Variants in XYLT1 observed in about 807,000 individuals in gnomAD.
XYLT1 encodes xylosyltransferase 1.
A neutral mutation model predicts 91.3 loss-of-function variants in XYLT1; 36 were observed. The ratio of observed to expected loss-of-function variants is 0.39; its 90% CI spans 0.30 to 0.52. The LOEUF (loss-of-function observed/expected upper bound fraction) is 0.52, where lower values mean the gene tolerates loss of function less well. Ranked by LOEUF, XYLT1 falls within the 20% of genes least tolerant of loss-of-function variation. The pLI is 0.68. For synonymous variants in XYLT1, 588 were observed against 532.0 expected (o/e 1.11, Z -1.45); for missense variants, 1,242 against 1,284.5 (o/e 0.97, Z 0.51).
chr16:17,426,809 CAT>C (rs2036324560), intron 1 of XYLT1, among the ~76,000 whole-genome samples: 1 of 152,102 alleles, frequency 6.6e-6, no homozygotes, highest in African/African-American at 2.4e-5. Flanking sequence ...ACAGACCTCT[CAT>C]ATGACTAAGG....
At chr16:17,427,173 C>T (rs2036329356) in intron 1 of XYLT1, among the ~76,000 whole-genome samples, 1 of 152,228 alleles carries the variant, frequency 6.6e-6, no homozygotes, top group Non-Finnish European at 1.5e-5. Flanking sequence ...GTGGTGAAAT[C>T]GTGTCCACGG....
intron 1 of XYLT1, among the ~76,000 whole-genome samples, chr16:17,434,338 G>T (rs1270563337): frequency 6.6e-6 from 1 of 152,118 alleles, no homozygotes; most frequent in African/African-American, 2.4e-5. Context: ...TTCCTTCCAG[G>T]AACCACCTCG....
At chr16:17,384,107 A>G (rs1430252903) in intron 1 of XYLT1, among the ~76,000 whole-genome samples, 1 of 151,930 alleles carries the variant, frequency 6.6e-6, no homozygotes, top group East Asian at 2.0e-4. Context: ...TGAGGATAAC[A>G]TTAGGATCGG....
At chr16:17,272,840 C>T (rs916056648) in intron 2 of XYLT1, among the ~76,000 whole-genome samples, 2 of 152,224 alleles carry the variant, frequency 1.3e-5, no homozygotes, top group African/African-American at 4.8e-5. Context: ...ACCTCCTGAG[C>T]TTTGCCTCGG....
intron 3 of XYLT1, among the ~76,000 whole-genome samples, chr16:17,255,509 T>C (rs1418030078): frequency 6.6e-6 from 1 of 152,164 alleles, no homozygotes; most frequent in Non-Finnish European, 1.5e-5. Flanking sequence ...GTTCATGGAA[T>C]GGCATTCAAC....
At chr16:17,359,869 G>T (rs542475861) in intron 1 of XYLT1, among the ~76,000 whole-genome samples, 15 of 152,164 alleles carry the variant, frequency 9.9e-5, no homozygotes, top group Middle Eastern at 3.2e-3. Flanking sequence ...TGTATCACTC[G>T]CATGCAGAAA....
intron 5 of XYLT1, among the ~76,000 whole-genome samples, chr16:17,196,538 C>T (rs879261058): frequency 2.0e-5 from 3 of 152,124 alleles, no homozygotes; most frequent in Non-Finnish European, 2.9e-5. Context: ...GTGACATCCA[C>T]GTGGGAGTTC....
intron 6 of XYLT1, among the ~76,000 whole-genome samples, chr16:17,153,287 C>T (rs78608127): frequency 6.6e-6 from 1 of 152,176 alleles, no homozygotes; most frequent in African/African-American, 2.4e-5. Flanking sequence ...ACGTAACTTA[C>T]CCAAGGTCAC....
In XYLT1 at chr16:17,222,952, C is replaced by G. The variant is rs578090692; in HGVS notation, c.914-22298G>C. On this transcript the variant is annotated intron_variant, in intron 3 of 11. Coordinates refer to ENST00000261381, the MANE Select transcript of XYLT1 (RefSeq NM_022166.4). ...GGAAAGAGGAATCAAGAACACCAAG[C>G]GGGGGCTGGGACTAGGCGCTGATGA... Among the ~76,000 whole-genome samples, 3 of 150,982 alleles carry G rather than the reference C, an allele frequency of 2.0e-5. No homozygotes were observed. The South Asian group carries it at 6.3e-4, about 32-fold the overall frequency.
chr16:17,338,050 G>C (rs562984448), intron 2 of XYLT1: 2 of 390,112 alleles, frequency 5.1e-6, no homozygotes, highest in Non-Finnish European at 1.0e-5. Flanking sequence ...TTATAGGCGT[G>C]AGCCACCGCA....
intron 9 of XYLT1, among the ~76,000 whole-genome samples, chr16:17,128,390 T>C (rs1272057830): frequency 6.7e-6 from 1 of 149,180 alleles, no homozygotes; most frequent in African/African-American, 2.5e-5. Flanking sequence ...CTCGGTGTGT[T>C]TCATCATAGT....
Position 17,198,050 on chromosome 16 carries a change from A to ATGAG in XYLT1, c.1289+158_1289+161dup, listed in dbSNP as rs2032464953. 32 of 726,542 alleles carry ATGAG rather than the reference A, an allele frequency of 4.4e-5. No individual in the cohort carries two copies. The East Asian group carries it at 8.3e-4, about 19-fold the overall frequency. 45.0% of individuals were successfully genotyped at this position (726,542 alleles called of 1,614,324 possible). A position where few individuals can be genotyped will look rare whatever the true frequency, so the allele number is the denominator to read the frequency against. On this transcript the variant is annotated intron_variant, in intron 5 of 11. Transcript: ENST00000261381. ...CTCTATCTGTTGAATGCATGAATGA[A>ATGAG]TGAGTGAATGAATCAATGATTCTCA...
intron 3 of XYLT1, among the ~76,000 whole-genome samples, chr16:17,218,144 G>A (rs2032895529): frequency 6.6e-6 from 1 of 151,942 alleles, no homozygotes; most frequent in Non-Finnish European, 1.5e-5. Context: ...TGTAGTTTCA[G>A]CTACTCGGGA....
Position 17,444,537 on chromosome 16 carries a change from G to C in XYLT1, c.363+25897C>G, listed in dbSNP as rs143029012. 6.9e-4 allele frequency among the ~76,000 whole-genome samples: 103 copies of C among 148,454 alleles called. 1 individual carries two copies. The East Asian group carries it at 0.014, about 21-fold the overall frequency. ...CTTTTTTTTTTTTTTAATAGAGACAGAGTCTCACTATGTTGCCCAGGCTGG... is the reference window on the plus strand; with the variant it reads ...CTTTTTTTTTTTTTTAATAGAGACACAGTCTCACTATGTTGCCCAGGCTGG... On this transcript the variant is annotated intron_variant, in intron 1 of 11. Transcript: ENST00000261381.
intron 1 of XYLT1, among the ~76,000 whole-genome samples, chr16:17,382,781 C>T (rs2035697766): frequency 6.6e-6 from 1 of 151,882 alleles, no homozygotes; most frequent in South Asian, 2.1e-4. Flanking sequence ...CATACTGGCA[C>T]TCACTATCCC....
At chr16:17,136,728 A>G (rs142367864) in intron 8 of XYLT1, among the ~76,000 whole-genome samples, 1 of 152,282 alleles carries the variant, frequency 6.6e-6, no homozygotes, top group East Asian at 1.9e-4. Flanking sequence ...TCTTCGCGCA[A>G]GAACTCTGAG....
chr16:17,200,258 C>T (rs2032513402), intron 4 of XYLT1, among the ~76,000 whole-genome samples: 1 of 151,784 alleles, frequency 6.6e-6, no homozygotes, highest in African/African-American at 2.4e-5. Context: ...CAGCATTTAT[C>T]ATTTATGGAC....
At chr16:17,382,071 C>T (rs1273446210) in intron 1 of XYLT1, among the ~76,000 whole-genome samples, 2 of 151,870 alleles carry the variant, frequency 1.3e-5, no homozygotes, top group Non-Finnish European at 2.9e-5. Flanking sequence ...ACCCACTGTG[C>T]CGTGCCCCCT....
At chr16:17,127,239 G>A (rs1210800503) in intron 10 of XYLT1, among the ~76,000 whole-genome samples, 1 of 152,142 alleles carries the variant, frequency 6.6e-6, no homozygotes, top group Non-Finnish European at 1.5e-5. Flanking sequence ...AAAAACTGTG[G>A]AGACAAAACC....
Sources: allele counts gnomAD v4.1 joint callset (sites outside exome capture counted in the v4.1 genomes callset), GRCh38; gene constraint gnomAD v4.1.1; transcripts MANE v1.5; gene names NCBI Gene and HGNC (gene_info 2026-07-23, HGNC 2026-07-21).